CSMD1: variants seen among roughly 807,000 people sequenced by gnomAD.
The protein encoded by CSMD1 is CUB and sushi domain-containing protein 1.
Under a neutral mutation model 417.5 loss-of-function variants are expected in CSMD1, and 213 were observed. That is an observed-to-expected ratio of 0.51 (90% confidence interval 0.46 to 0.57). The LOEUF is 0.57. Ranked by LOEUF, CSMD1 falls within the 20% of genes least tolerant of loss-of-function variation. The pLI, the probability that CSMD1 is intolerant of heterozygous loss-of-function variation, is 0.00. For missense variants in CSMD1, 6,923 were observed against 4,529.7 expected, an observed-to-expected ratio of 1.53 and a Z score of -15.17; for synonymous variants, 2,862 against 1,736.8, an observed-to-expected ratio of 1.65 and a Z score of -16.11.
intron 1 of CSMD1, among the ~76,000 whole-genome samples, chr8:4,757,020 G>C (rs1811709469): frequency 1.3e-5 from 2 of 152,186 alleles, no homozygotes; most frequent in African/African-American, 2.4e-5. Flanking sequence ...TTAGTAGACT[G>C]TTCTTATACA....
rs760142553 is a variant in CSMD1 at position 4,419,978 on chromosome 8, G to A, written c.390C>T (p.Ala130=). Residue 130 remains alanine, a synonymous_variant, in exon 3 of 70, where the codon GCC becomes GCT. Coordinates refer to ENST00000635120, the MANE Select transcript of CSMD1 (RefSeq NM_033225.6). The part of the protein sequence containing the change: ...LWFTTDFAVS[A]QGFKALYEVL... Reference sequence around the variant, plus strand: ...CTTCATATAATGCTTTGAAACCTTGGGCACTCACAGCGAAGTCTGTCGTGA... The same window carrying A: ...CTTCATATAATGCTTTGAAACCTTGAGCACTCACAGCGAAGTCTGTCGTGA... 13 of 1,584,478 alleles carry A rather than the reference G, an allele frequency of 8.2e-6. No individual in the cohort carries two copies. Among genetic ancestry groups the A allele is most frequent in the South Asian group, 1.2e-5 (1 of 86,418 alleles).
intron 3 of CSMD1, among the ~76,000 whole-genome samples, chr8:4,365,861 CTACT>C (rs1442763391): frequency 6.6e-6 from 1 of 152,190 alleles, no homozygotes; most frequent in Non-Finnish European, 1.5e-5. Context: ...CACTAAAAAT[CTACT>C]TAAAGAGTAA....
intron 3 of CSMD1, among the ~76,000 whole-genome samples, chr8:4,172,955 A>C (rs539005850): frequency 6.6e-6 from 1 of 152,260 alleles, no homozygotes; most frequent in South Asian, 2.1e-4. Context: ...TCGAGGGCTG[A>C]GGCAGGCAGC....
chr8:3,038,037 A>AT (rs1301075550), intron 50 of CSMD1, among the ~76,000 whole-genome samples: 2 of 152,222 alleles, frequency 1.3e-5, no homozygotes, highest in East Asian at 1.9e-4. Flanking sequence ...CGGCTTTCTT[A>AT]TTTTTTATAC....
intron 3 of CSMD1, among the ~76,000 whole-genome samples, chr8:4,261,424 G>T (rs997515677): frequency 1.4e-4 from 21 of 152,118 alleles, no homozygotes; most frequent in African/African-American, 5.1e-4. Flanking sequence ...GGGAAATGGG[G>T]AATAATTGTC....
chr8:4,363,719 T>C (rs1801908880), intron 3 of CSMD1, among the ~76,000 whole-genome samples: 1 of 152,196 alleles, frequency 6.6e-6, no homozygotes. Flanking sequence ...TGACTTCTAG[T>C]TCCACCCATG....
At chr8:3,994,860 G>T (rs1159533719) in intron 5 of CSMD1, among the ~76,000 whole-genome samples, 1 of 152,094 alleles carries the variant, frequency 6.6e-6, no homozygotes, top group Non-Finnish European at 1.5e-5. Flanking sequence ...TTTCCAAGTA[G>T]CTTCTTCTGA....
intron 2 of CSMD1, among the ~76,000 whole-genome samples, chr8:4,437,801 G>A (rs540803609): frequency 1.3e-5 from 2 of 152,152 alleles, no homozygotes; most frequent in African/African-American, 4.8e-5. Context: ...GAACTTCATA[G>A]GCCGTGTTTG....
chr8:3,192,447 C>T (rs1167386163), intron 33 of CSMD1, among the ~76,000 whole-genome samples: 1 of 152,154 alleles, frequency 6.6e-6, no homozygotes, highest in African/African-American at 2.4e-5. Flanking sequence ...ACCTTCTACA[C>T]GTGCTTTATC....
At position 4,767,334 on chromosome 8, in the gene CSMD1, G is replaced by A. The variant is rs1183781340; in HGVS notation, c.86-129776C>T. The stretch of plus-strand genomic sequence containing the variant: ...AGAAAATAGACATTTATTTTCAAAT[G>A]TAGAGACTTGTGAAGAAAATCACAT... On this transcript the variant is annotated intron_variant, in intron 1 of 69. Coordinates refer to ENST00000635120, the MANE Select transcript of CSMD1 (RefSeq NM_033225.6). 1.3e-5 allele frequency among the ~76,000 whole-genome samples: 2 copies of A among 152,210 alleles called. 1 individual carries two copies. Among genetic ancestry groups the A allele is most frequent in the Non-Finnish European group, 2.9e-5 (2 of 68,044 alleles).
intron 11 of CSMD1, among the ~76,000 whole-genome samples, chr8:3,476,301 G>C (rs914645286): frequency 1.3e-5 from 2 of 152,154 alleles, no homozygotes; most frequent in Admixed American, 6.5e-5. Context: ...GTTTGTTTTT[G>C]GGAGTAATGA....
intron 12 of CSMD1, among the ~76,000 whole-genome samples, chr8:3,441,581 T>A (rs1398544330): frequency 6.6e-6 from 1 of 151,344 alleles, no homozygotes; most frequent in Non-Finnish European, 1.5e-5. Flanking sequence ...TATACAATGG[T>A]CCCATAAGAT....
intron 3 of CSMD1, among the ~76,000 whole-genome samples, chr8:4,108,397 T>C (rs1269613863): frequency 1.3e-5 from 2 of 152,186 alleles, no homozygotes; most frequent in Admixed American, 6.5e-5. Context: ...CTCTCGACCA[T>C]GTTCATAGCA....
chr8:3,267,668 G>A (rs770765278), intron 26 of CSMD1, among the ~76,000 whole-genome samples: 1 of 152,244 alleles, frequency 6.6e-6, no homozygotes, highest in African/African-American at 2.4e-5. Context: ...TGAGGAAGCA[G>A]GGATGGAAAG....
At chr8:4,625,663 C>T (rs1489575119) in intron 2 of CSMD1, among the ~76,000 whole-genome samples, 1 of 151,982 alleles carries the variant, frequency 6.6e-6, no homozygotes, top group Non-Finnish European at 1.5e-5. Context: ...ATGTGAAAAC[C>T]CCTAAACCTA....
At chr8:2,977,098 T>C (rs1006087197) in intron 55 of CSMD1, among the ~76,000 whole-genome samples, 3 of 152,102 alleles carry the variant, frequency 2.0e-5, no homozygotes, top group African/African-American at 4.8e-5. Flanking sequence ...AACAACTTTA[T>C]TCATTTATTT....
intron 3 of CSMD1, among the ~76,000 whole-genome samples, chr8:4,379,520 G>A (rs552930384): frequency 3.3e-5 from 5 of 152,254 alleles, no homozygotes; most frequent in African/African-American, 1.2e-4. Flanking sequence ...AAGGCAAGTG[G>A]GTGAAGTATA....
At chr8:3,111,545 C>T (rs1404540194) in intron 42 of CSMD1, among the ~76,000 whole-genome samples, 1 of 152,000 alleles carries the variant, frequency 6.6e-6, no homozygotes, top group Non-Finnish European at 1.5e-5. Context: ...TAAAATGGGA[C>T]CATAGGCTGG....
chr8:4,564,436 A>C (rs577082238), intron 2 of CSMD1, among the ~76,000 whole-genome samples: 19 of 152,230 alleles, frequency 1.2e-4, no homozygotes, highest in Admixed American at 3.3e-4. Flanking sequence ...TCAAGGTGCC[A>C]GGGGATCTAG....
Sources: gnomAD v4.1 joint callset for allele counts (sites outside exome capture counted in the v4.1 genomes callset) on GRCh38, gnomAD v4.1.1 for gene constraint, MANE v1.5 for transcripts, NCBI Gene and HGNC (gene_info 2026-07-23, HGNC 2026-07-21) for gene names.